The following DUSP6 variants were observed in gnomAD, a reference collection of about 807,000 sequenced individuals.
DUSP6 encodes the protein dual specificity protein phosphatase 6.
DUSP6 carries 6 observed loss-of-function variants against 28.0 expected under a neutral mutation model. The observed-to-expected ratio is 0.21, with a 90% CI of 0.12 to 0.42. The LOEUF (loss-of-function observed/expected upper bound fraction) is 0.42, where lower values mean the gene tolerates loss of function less well. Ranked by LOEUF, DUSP6 falls within the 10% of genes least tolerant of loss-of-function variation. The pLI is 1.00. For missense variants in DUSP6, 451 were observed against 498.1 expected, an observed-to-expected ratio of 0.91 and a Z score of 0.90; for synonymous variants, 252 against 217.5, an observed-to-expected ratio of 1.16 and a Z score of -1.40.
In DUSP6 at chr12:89,349,200, A is replaced by C; in HGVS notation, c.*54T>G. ...GAAAGCAGCCCAGCTGATGCTGCCA[A>C]GAGAAACTGCTGAAGGGCCAGACAC... On this transcript the variant is annotated 3_prime_UTR_variant, in exon 3 of 3. Transcript: ENST00000279488. 6.5e-7 allele frequency: 1 copy of C among 1,546,286 alleles called. No individual in the cohort carries two copies. The highest frequency in any genetic ancestry group is 8.7e-7 in the Non-Finnish European group (1 of 1,143,340).
rs955003812 is a variant in DUSP6, at chr12:89,352,017, A to C, written c.23T>G (p.Val8Gly). The C allele has an allele frequency of 5.6e-6, 9 of 1,612,794 alleles. No homozygotes were observed. In the Admixed American group the frequency reaches 1.2e-4, roughly 21 times the overall value. MIDTLRP[V>G]PFASEMAISK... ...GATCGCCATTTCCGACGCGAAGGGC[A>C]CGGGTCTGAGCGTATCTATCATGGG... The change falls in exon 1 of 3, where the codon GTG (valine) becomes GGG (glycine). Residue 8 changes from valine (V) to glycine (G), a missense_variant. Val to Gly is a moderately radical substitution (Grantham distance 109). This residue lies in a region of DUSP6 where 347 missense variants were observed against 346.6 expected (regional missense o/e 1.00). Transcript: ENST00000279488.
Position 89,349,235 on chromosome 12 carries a change from A to C in DUSP6, c.*19T>G. On this transcript the variant is annotated 3_prime_UTR_variant, in exon 3 of 3. Transcript: ENST00000279488. ...CTGAAGGGCCAGACACATTCCAGCA[A>C]GGAGGGGTGTGGGGTCTTTCACGTA... 1 of 1,593,794 alleles carries C rather than the reference A, an allele frequency of 6.3e-7. No individual in the cohort carries two copies. Among genetic ancestry groups the C allele is most frequent in the Non-Finnish European group, 8.6e-7 (1 of 1,166,020 alleles).
At position 89,352,136 on chromosome 12, in the gene DUSP6, G is replaced by C; in HGVS notation, c.-97C>G. On this transcript the variant is annotated 5_prime_UTR_variant, in exon 1 of 3. Coordinates refer to ENST00000279488, the MANE Select transcript of DUSP6 (RefSeq NM_001946.4). The stretch of plus-strand genomic sequence containing the variant: ...CGCGCGCGAAGCTGCCGCTCTCGGA[G>C]CGGGGTTTAATTCCGCCTCGCCTTA... The C allele has an allele frequency of 2.0e-6, 3 of 1,518,082 alleles. 1 individual carries two copies. The allele number at this position is 1,518,082 out of a possible 1,614,324, so 94.0% of individuals were successfully genotyped here.
chr12:89,350,326 G>C (rs537953996), intron 2 of DUSP6, among the ~76,000 whole-genome samples: 3 of 152,212 alleles, frequency 2.0e-5, no homozygotes, highest in Non-Finnish European at 4.4e-5. Flanking sequence ...TCTGTTGTCC[G>C]ATTATGAACG....
At chr12:89,349,614 G>T in intron 2 of DUSP6, 53 bp from the exon 3 acceptor site, 1 of 1,405,128 alleles carries the variant, frequency 7.1e-7, no homozygotes, top group Non-Finnish European at 9.8e-7. Context: ...ACCACCCTTT[G>T]TGAATGATCA....
In DUSP6 at chr12:89,349,338, G is replaced by A. The variant is rs756678425; in HGVS notation, c.1062C>T (p.Asp354=). The A allele has an allele frequency of 3.7e-6, 6 of 1,614,092 alleles. No homozygotes were observed. In the East Asian group the frequency reaches 1.3e-4, roughly 36 times the overall value. Residue 354 remains aspartate (D), a synonymous_variant, in exon 3 of 3, where the codon GAC becomes GAT. Coordinates refer to ENST00000279488, the MANE Select transcript of DUSP6 (RefSeq NM_001946.4). ...ACAGCTGCTGTGCTGGAACCCTGTTGTCACATGGGCTGCTGAGTCCCAGCG... is the reference window on the plus strand; with the variant it reads ...ACAGCTGCTGTGCTGGAACCCTGTTATCACATGGGCTGCTGAGTCCCAGCG... ...ERTLGLSSPC[D]NRVPAQQLYF... is the part of the protein sequence containing the mutation.
chr12:89,350,330 A>G (rs1438828751), intron 2 of DUSP6, among the ~76,000 whole-genome samples: 1 of 152,258 alleles, frequency 6.6e-6, no homozygotes, highest in Non-Finnish European at 1.5e-5. Context: ...TTGTCCGATT[A>G]TGAACGACTG....
Position 89,347,773 on chromosome 12 carries a change from C to T in DUSP6, c.*1481G>A, listed in dbSNP as rs1357016696. ...TATCCAAATTGTATTCCTCAGCAAG[C>T]TATGCTCTATAGGTTCATTTTTCTT... On this transcript the variant is annotated 3_prime_UTR_variant, in exon 3 of 3. Transcript: ENST00000279488. 6.6e-6 allele frequency: 1 copy of T among 152,210 alleles called. No individual in the cohort carries two copies. The highest frequency in any genetic ancestry group is 1.5e-5 in the Non-Finnish European group (1 of 68,050). The allele number at this position is 152,210 out of a possible 1,614,324, so 9.4% of individuals were successfully genotyped here.
rs1490614162 is a variant in DUSP6, at chr12:89,352,198, G to A, written c.-159C>T. 1 of 1,127,784 alleles carries A rather than the reference G, an allele frequency of 8.9e-7. No homozygotes were observed. The highest frequency in any genetic ancestry group is 1.2e-6 in the Non-Finnish European group (1 of 807,200). The allele number at this position is 1,127,784 out of a possible 1,614,324, so 69.9% of individuals were successfully genotyped here. ...GCTAGCGGTTGGGGCAGACGAGACA[G>A]AAGTAAAGCCGGAGGTTCTCTCTGC... On this transcript the variant is annotated 5_prime_UTR_variant, in exon 1 of 3. Coordinates refer to ENST00000279488, the MANE Select transcript of DUSP6 (RefSeq NM_001946.4).
Position 89,349,702 on chromosome 12 carries a change from G to GT in DUSP6, c.839-142dup, listed in dbSNP as rs1208236750. ...TTGAGCCCTACAAGCAGCAGAAAAT[G>GT]TATCACTGAAATGAAACATGTACAC... On this transcript the variant is annotated intron_variant, in intron 2 of 2. Transcript: ENST00000279488. 14 of 619,008 alleles carry GT rather than the reference G, an allele frequency of 2.3e-5. No homozygotes were observed. In the Admixed American group the frequency reaches 4.2e-4, roughly 19 times the overall value. The allele number at this position is 619,008 out of a possible 1,614,324, so 38.3% of individuals were successfully genotyped here.
Position 89,350,820 on chromosome 12 carries a change from G to A in DUSP6, c.606C>T (p.Ser202=). The A allele has an allele frequency of 6.2e-7, 1 of 1,614,126 alleles. No homozygotes were observed. The highest frequency in any genetic ancestry group is 2.2e-5 in the East Asian group (1 of 44,866). The change falls in exon 2 of 3, where the codon AGC becomes AGT. Residue 202 remains serine (S), a synonymous_variant. Coordinates refer to ENST00000279488, the MANE Select transcript of DUSP6 (RefSeq NM_001946.4). ...TDSDGSPLSN[S]QPSFPVEILP... is the part of the protein sequence containing the mutation. ...AGATCTCCACTGGGAAGGAAGGCTG[G>A]CTGTTGGACAGCGGACTACCATCCG...
intron 1 of DUSP6, 129 bp downstream of exon 1, chr12:89,351,511 G>C: frequency 7.1e-7 from 1 of 1,401,518 alleles, no homozygotes; most frequent in Non-Finnish European, 9.4e-7. Context: ...CCGGCTGCCG[G>C]TCCCTAGGCG....
chr12:89,351,752 C>G lies in DUSP6; in HGVS notation c.288G>C (p.Val96=). The stretch of plus-strand genomic sequence containing the variant: ...AGTCGCTGCTGCTCTCGTCGTAGAG[C>G]ACCACTGTGTCGGTGCCACAGCGCC... The part of the protein sequence containing the change: ...FTRRCGTDTV[V]LYDESSSDWN... The change falls in exon 1 of 3, where the codon GTG becomes GTC. Residue 96 remains valine (V), a synonymous_variant. Coordinates refer to ENST00000279488, the MANE Select transcript of DUSP6 (RefSeq NM_001946.4). 6.2e-7 allele frequency: 1 copy of G among 1,607,894 alleles called. No individual in the cohort carries two copies. The highest frequency in any genetic ancestry group is 8.5e-7 in the Non-Finnish European group (1 of 1,177,942).
chr12:89,348,544 C>T lies in DUSP6; in HGVS notation c.*710G>A, dbSNP rs1303156115. The stretch of plus-strand genomic sequence containing the variant: ...ACAAGGTCTTAGTGATAATAGTGTC[C>T]GTAAAGATGTCATCAGAATTGGTAA... On this transcript the variant is annotated 3_prime_UTR_variant, in exon 3 of 3. Transcript: ENST00000279488. 3.3e-5 allele frequency: 5 copies of T among 152,248 alleles called. No individual in the cohort carries two copies. The highest frequency in any genetic ancestry group is 4.8e-5 in the African/African-American group (2 of 41,392). The allele number at this position is 152,248 out of a possible 1,614,324, so 9.4% of individuals were successfully genotyped here.
In DUSP6 at chr12:89,348,560, G is replaced by T. The variant is rs1052640946; in HGVS notation, c.*694C>A. 1 of 152,418 alleles carries T rather than the reference G, an allele frequency of 6.6e-6. No individual in the cohort carries two copies. Among genetic ancestry groups the T allele is most frequent in the Admixed American group, 6.5e-5 (1 of 15,286 alleles). 9.4% of individuals were successfully genotyped at this position (152,418 alleles called of 1,614,324 possible). On this transcript the variant is annotated 3_prime_UTR_variant, in exon 3 of 3. Coordinates refer to ENST00000279488, the MANE Select transcript of DUSP6 (RefSeq NM_001946.4). ...AATAGTGTCCGTAAAGATGTCATCA[G>T]AATTGGTAAAGTCAAGCATGCTGCA...
At position 89,352,016 on chromosome 12, in the gene DUSP6, C is replaced by T. The variant is rs766301392; in HGVS notation, c.24G>A (p.Val8=). The change falls in exon 1 of 3, where the codon GTG becomes GTA. Residue 8 remains valine, a synonymous_variant. Coordinates refer to ENST00000279488, the MANE Select transcript of DUSP6 (RefSeq NM_001946.4). MIDTLRP[V]PFASEMAISK... ...TGATCGCCATTTCCGACGCGAAGGG[C>T]ACGGGTCTGAGCGTATCTATCATGG... 185 of 1,612,802 alleles carry T rather than the reference C, an allele frequency of 1.1e-4. 1 individual carries two copies. The highest frequency in any genetic ancestry group is 3.9e-5 in the Non-Finnish European group (46 of 1,179,894).
chr12:89,351,506 T>A, intron 1 of DUSP6, 134 bp downstream of exon 1: 1 of 1,390,698 alleles, frequency 7.2e-7, no homozygotes, highest in Non-Finnish European at 9.4e-7. Flanking sequence ...CCTCGCCGGC[T>A]GCCGGTCCCT....
intron 1 of DUSP6, 92 bp downstream of exon 1, chr12:89,351,548 G>A: frequency 1.4e-6 from 2 of 1,440,676 alleles, no homozygotes; most frequent in South Asian, 1.5e-5. Flanking sequence ...AGCTCCAGCT[G>A]AGCGGAGCAG....
Position 89,350,658 on chromosome 12 carries a change from C to A in DUSP6, c.768G>T (p.Lys256Asn), listed in dbSNP as rs768176859. 6.2e-7 allele frequency: 1 copy of A among 1,614,142 alleles called. No homozygotes were observed. Among genetic ancestry groups the A allele is most frequent in the East Asian group, 2.2e-5 (1 of 44,878 alleles). ...LFENAGEFKY[K>N]QIPISDHWSQ... ...TCCAGTGATCCGAGATGGGGATTTG[C>A]TTGTATTTAAACTCTCCTGCGTTCT... is the stretch of plus-strand genomic sequence containing the variant. Residue 256 changes from lysine to asparagine, a missense_variant, in exon 2 of 3, where the codon AAG becomes AAT. Lys to Asn is a moderately conservative substitution (Grantham distance 94, BLOSUM62 0). Coordinates refer to ENST00000279488, the MANE Select transcript of DUSP6 (RefSeq NM_001946.4).
Sources: gnomAD v4.1 joint callset for allele counts (sites outside exome capture counted in the v4.1 genomes callset) on GRCh38, gnomAD v4.1.1 for gene constraint, gnomAD v4.1.1 regional missense constraint, MANE v1.5 for transcripts, NCBI Gene and HGNC (gene_info 2026-07-23, HGNC 2026-07-21) for gene names.